The following EPB41 variants were observed in gnomAD, a reference collection of about 807,000 sequenced individuals.
EPB41 encodes the protein protein 4.1.
EPB41 carries 65 observed loss-of-function variants against 108.0 expected under a neutral mutation model. The ratio of observed to expected loss-of-function variants is 0.60; its 90% confidence interval spans 0.49 to 0.74. The LOEUF (loss-of-function observed/expected upper bound fraction) is 0.74. Among genes scored for constraint, EPB41 ranks in the 30% least tolerant of loss-of-function variants. EPB41 has a pLI of 0.00. For synonymous variants in EPB41, 336 were observed against 358.9 expected (o/e 0.94, Z 0.72); for missense variants, 875 against 1,037.0 (o/e 0.84, Z 2.15).
At chr1:29,047,794 G>GTATTTATT (rs575335463) in intron 11 of EPB41, among the ~76,000 whole-genome samples, 1 of 151,528 alleles carries the variant, frequency 6.6e-6, no homozygotes, top group Non-Finnish European at 1.5e-5. Flanking sequence ...ATGTATGTAT[G>GTATTTATT]TATTTATTTT....
At chr1:29,084,109 T>C (rs1456074608) in intron 16 of EPB41, among the ~76,000 whole-genome samples, 1 of 152,210 alleles carries the variant, frequency 6.6e-6, no homozygotes, top group Non-Finnish European at 1.5e-5. Flanking sequence ...TCTTACTGGG[T>C]TTGCAAAGCA....
rs115070015 is a variant in EPB41 at position 28,937,794 on chromosome 1, C to T, written c.-8+23026C>T. On this transcript the variant is annotated intron_variant, in intron 1 of 20. Transcript: ENST00000343067. ...CCTAAATCAAAATCATGGAAATTTACGTCTTATCTTTTCTTCTAGGAATTT... is the reference window on the plus strand; with the variant it reads ...CCTAAATCAAAATCATGGAAATTTATGTCTTATCTTTTCTTCTAGGAATTT... Among the ~76,000 whole-genome samples the T allele has an allele frequency of 7.2e-3, 1,093 of 152,258 alleles. 17 individuals are homozygous for T. The highest frequency in any genetic ancestry group is 0.023 in the African/African-American group (939 of 41,536).
chr1:29,093,534 C>T (rs142126843), intron 16 of EPB41, among the ~76,000 whole-genome samples: 1,797 of 152,292 alleles, frequency 0.012, 33 homozygotes, highest in African/African-American at 0.041. Flanking sequence ...TGTGCAGAAG[C>T]TCTTAAGTTT....
chr1:29,058,753 A>G, intron 13 of EPB41, 58 bp from the exon 14 acceptor site: 2 of 1,533,790 alleles, frequency 1.3e-6, no homozygotes, highest in East Asian at 2.4e-5. Flanking sequence ...GGTTCAAACA[A>G]ACTTCAATGA....
chr1:29,012,440 C>T lies in EPB41; in HGVS notation c.829+533C>T, dbSNP rs139315450. ...AGAATGGAAAGACAAGAATTGCTTG[C>T]CACTGACCCTTCTGACATTGTGGCT... On this transcript the variant is annotated intron_variant, in intron 5 of 20. Coordinates refer to ENST00000343067, the MANE Select transcript of EPB41 (RefSeq NM_001376013.1). Among the ~76,000 whole-genome samples, 598 of 152,288 alleles carry T rather than the reference C, an allele frequency of 3.9e-3. 6 individuals carry two copies. The highest frequency in any genetic ancestry group is 0.013 in the African/African-American group (533 of 41,558).
At position 28,887,667 on chromosome 1, in the gene EPB41, C is replaced by T; in HGVS notation, c.-8+457C>T. 8.1e-6 allele frequency: 8 copies of T among 985,222 alleles called. No individual in the cohort carries two copies. The South Asian group carries it at 2.3e-4, about 29-fold the overall frequency. 61.0% of individuals were successfully genotyped at this position (985,222 alleles called of 1,614,324 possible). The stretch of plus-strand genomic sequence containing the variant: ...CTAGCAGCGGGAGGGGGCTCCGGGG[C>T]CTGGAGCCCCGCGCCCCGCTCCGGC... On this transcript the variant is annotated intron_variant, in intron 1 of 16. Transcript: ENST00000347529. This position sits in a 1 kb window ranked among gnomAD's most constrained non-coding sequence, Gnocchi z 4.9.
At chr1:29,103,108 C>G (rs1466824418) in intron 17 of EPB41, among the ~76,000 whole-genome samples, 1 of 152,174 alleles carries the variant, frequency 6.6e-6, no homozygotes, top group African/African-American at 2.4e-5. Flanking sequence ...AGGGTTTCAC[C>G]TTGTGGGCCA....
chr1:29,073,398 A>C (rs1652438717), intron 16 of EPB41, among the ~76,000 whole-genome samples: 1 of 152,178 alleles, frequency 6.6e-6, no homozygotes, highest in African/African-American at 2.4e-5. Context: ...AACCTACTTC[A>C]TGAGAATGAA....
chr1:28,978,494 G>A (rs944388816), intron 1 of EPB41, among the ~76,000 whole-genome samples: 3 of 151,536 alleles, frequency 2.0e-5, no homozygotes, highest in Non-Finnish European at 4.4e-5. Flanking sequence ...GGTTTAAGGA[G>A]ATGCATATAG....
At chr1:28,904,700 C>T (rs565733932) in intron 1 of EPB41, among the ~76,000 whole-genome samples, 4 of 151,884 alleles carry the variant, frequency 2.6e-5, no homozygotes, top group Admixed American at 1.3e-4. Context: ...GAGTTTGAGG[C>T]CAGCCTAGCC....
chr1:29,096,423 A>T (rs531470280), intron 16 of EPB41: 1 of 985,908 alleles, frequency 1.0e-6, no homozygotes, highest in African/African-American at 1.7e-5. Context: ...GGAGTGGAGG[A>T]ACAGGCCAGT....
chr1:28,938,701 T>C (rs1386883091), intron 1 of EPB41, among the ~76,000 whole-genome samples: 1 of 151,990 alleles, frequency 6.6e-6, no homozygotes, highest in Non-Finnish European at 1.5e-5. Flanking sequence ...CCTGGCTAAT[T>C]TTAAAATTTT....
chr1:28,999,050 C>T (rs940250829), intron 4 of EPB41, among the ~76,000 whole-genome samples: 2 of 152,182 alleles, frequency 1.3e-5, no homozygotes, highest in African/African-American at 4.8e-5. Flanking sequence ...CAGTGAAAAA[C>T]TTTCTACAAC....
intron 1 of EPB41, among the ~76,000 whole-genome samples, chr1:28,967,667 A>G (rs993338819): frequency 1.6e-4 from 25 of 151,700 alleles, no homozygotes; most frequent in African/African-American, 5.8e-4. Context: ...GTGCAGTGGC[A>G]TGATCACAGC....
At chr1:29,000,747 A>G (rs940701899) in intron 4 of EPB41, among the ~76,000 whole-genome samples, 7 of 152,208 alleles carry the variant, frequency 4.6e-5, no homozygotes, top group African/African-American at 1.7e-4. Context: ...ACATTGTCAA[A>G]GGGAATGGGC....
chr1:29,034,750 T>G (rs921738110), intron 9 of EPB41, among the ~76,000 whole-genome samples: 4 of 152,142 alleles, frequency 2.6e-5, no homozygotes, highest in Non-Finnish European at 5.9e-5. Context: ...AAGAAATATT[T>G]AATGATTCAA....
In EPB41 at chr1:29,115,325, G is replaced by A. The variant is rs985213958; in HGVS notation, c.2497-374G>A. Among the ~76,000 whole-genome samples, 13 of 152,130 alleles carry A rather than the reference G, an allele frequency of 8.5e-5. No individual in the cohort carries two copies. The highest frequency in any genetic ancestry group is 2.7e-4 in the African/African-American group (11 of 41,494). On this transcript the variant is annotated intron_variant, in intron 19 of 20. Coordinates refer to ENST00000343067, the MANE Select transcript of EPB41 (RefSeq NM_001376013.1). This position sits in a 1 kb window ranked among gnomAD's most constrained non-coding sequence, Gnocchi z 4.4. The stretch of plus-strand genomic sequence containing the variant: ...GGAGAACTGCTTGAACCTGGGAGGC[G>A]GAGGTTGCAGTGAGCCGAGATTGCA...
At chr1:28,899,038 C>T (rs191620474) in intron 1 of EPB41, among the ~76,000 whole-genome samples, 47 of 152,294 alleles carry the variant, frequency 3.1e-4, no homozygotes, top group African/African-American at 1.0e-3. Flanking sequence ...CACCAAGTCC[C>T]TTATGGAACA....
intron 19 of EPB41, among the ~76,000 whole-genome samples, chr1:29,114,771 A>G (rs1670346530): frequency 1.3e-5 from 2 of 151,994 alleles, no homozygotes; most frequent in Non-Finnish European, 2.9e-5. Flanking sequence ...CTAAGTTGTC[A>G]TGTTTAAGTA....
Sources: gnomAD v4.1 joint callset for allele counts (sites outside exome capture counted in the v4.1 genomes callset) on GRCh38, gnomAD v4.1.1 for gene constraint, Gnocchi (gnomAD v3.1) non-coding constraint, MANE v1.5 for transcripts, NCBI Gene and HGNC (gene_info 2026-07-23, HGNC 2026-07-21) for gene names.